Variants in MAN2A2 observed in about 807,000 individuals in gnomAD.
The protein encoded by MAN2A2 is mannosidase alpha class 2A member 2.
MAN2A2 carries 79 observed loss-of-function variants against 126.8 expected under a neutral mutation model. The observed-to-expected ratio is 0.62, with a 90% CI of 0.52 to 0.75. MAN2A2 has a LOEUF of 0.75. Among genes scored for constraint, MAN2A2 ranks in the 30% least tolerant of loss-of-function variants. MAN2A2 has a pLI of 0.00. For synonymous variants in MAN2A2, 671 were observed against 618.7 expected, an observed-to-expected ratio of 1.08 and a Z score of -1.25; for missense variants, 1,392 against 1,522.4, an observed-to-expected ratio of 0.91 and a Z score of 1.43.
rs745600972 is a variant in MAN2A2 at position 90,919,664 on chromosome 15, G to C, written c.3330G>C (p.Leu1110=). ...CCCTGGGCAGCCTTTTCCATGGCCTGGATGTGGTATTCCTTCAGCCAACCT... is the reference window on the plus strand; with the variant it reads ...CCCTGGGCAGCCTTTTCCATGGCCTCGATGTGGTATTCCTTCAGCCAACCT... ...KVALGSLFHG[L]DVVFLQPTSL... is the part of the protein sequence containing the mutation. The change falls in exon 23 of 23, where the codon CTG becomes CTC. Residue 1110 remains leucine (L), a synonymous_variant. Coordinates refer to ENST00000559717, the MANE Select transcript of MAN2A2 (RefSeq NM_006122.4). 1.9e-6 allele frequency: 3 copies of C among 1,614,214 alleles called. No homozygotes were observed. The highest frequency in any genetic ancestry group is 3.3e-5 in the Admixed American group (2 of 60,022).
Position 90,904,230 on chromosome 15 carries a change from CAG to C in MAN2A2, c.24_25del (p.Cys10TrpfsTer45), listed in dbSNP as rs768881302. The C allele has an allele frequency of 1.2e-6, 2 of 1,614,194 alleles. No individual in the cohort carries two copies. The highest frequency in any genetic ancestry group is 1.7e-6 in the Non-Finnish European group (2 of 1,180,042). On this transcript the variant is annotated frameshift_variant, in exon 2 of 23. Coordinates refer to ENST00000559717, the MANE Select transcript of MAN2A2 (RefSeq NM_006122.4). LOFTEE classifies it high-confidence loss of function. ...AGTATGAAGCTGAAAAAGCAGGTGA[CAG>C]TGTGTGGGGCTGCCATCTTCTGTGT... is the stretch of plus-strand genomic sequence containing the variant.
chr15:90,905,209 G>A (rs754782275), intron 2 of MAN2A2, 42 bp from the exon 3 acceptor site: 1 of 1,597,972 alleles, frequency 6.3e-7, no homozygotes, highest in South Asian at 1.1e-5. Flanking sequence ...CCTCCCTGTG[G>A]CATAAGGAGC....
intron 20 of MAN2A2, 96 bp from the exon 21 acceptor site, chr15:90,918,098 C>G: frequency 8.1e-7 from 1 of 1,240,808 alleles, no homozygotes; most frequent in African/African-American, 1.5e-5. Flanking sequence ...AAAGGTCTTT[C>G]CAAAACAACT....
intron 19 of MAN2A2, chr15:90,915,851 C>T (rs1196245508): frequency 2.3e-6 from 1 of 427,116 alleles, no homozygotes; most frequent in Non-Finnish European, 4.2e-6. Context: ...GTTCCCTACT[C>T]CTGAGTCCCA....
At position 90,922,518 on chromosome 15, in the gene MAN2A2, A is replaced by G. The variant is rs1329319771; in HGVS notation, c.*2731A>G. Reference sequence around the variant, plus strand: ...TTGCTAGTAGAATTTGTAATCAAACAATAGGAGGGGAATCTGTGAACGCCT... The same window carrying G: ...TTGCTAGTAGAATTTGTAATCAAACGATAGGAGGGGAATCTGTGAACGCCT... On this transcript the variant is annotated 3_prime_UTR_variant, in exon 23 of 23. Coordinates refer to ENST00000559717, the MANE Select transcript of MAN2A2 (RefSeq NM_006122.4). 6.6e-6 allele frequency: 1 copy of G among 152,218 alleles called. No homozygotes were observed. Among genetic ancestry groups the G allele is most frequent in the Non-Finnish European group, 1.5e-5 (1 of 68,030 alleles). 9.4% of individuals were successfully genotyped at this position (152,218 alleles called of 1,614,324 possible).
intron 16 of MAN2A2, 97 bp from the exon 17 acceptor site, chr15:90,912,780 G>A (rs552691172): frequency 9.0e-5 from 141 of 1,561,146 alleles, no homozygotes; most frequent in Admixed American, 2.3e-4. Flanking sequence ...GCCCAGGGGT[G>A]TCTGGGAATA....
chr15:90,903,612 G>A, intron 1 of MAN2A2, 180 bp downstream of exon 1: 1 of 192,082 alleles, frequency 5.2e-6, no homozygotes, highest in East Asian at 1.3e-4. Flanking sequence ...GCAGTGAACA[G>A]TAGAGAAACA....
In MAN2A2 at chr15:90,906,362, A is replaced by G; in HGVS notation, c.708-8A>G. On this transcript the variant is annotated splice_polypyrimidine_tract_variant and splice_region_variant and intron_variant, in intron 5 of 22. Transcript: ENST00000559717. ...TGCTCCGTCCTGAGTGTGAGTCCTT[A>G]ACTATAGGCTGGTGGGAAACGGGCA... 6.2e-7 allele frequency: 1 copy of G among 1,614,060 alleles called. No homozygotes were observed. Among genetic ancestry groups the G allele is most frequent in the Middle Eastern group, 1.6e-4 (1 of 6,062 alleles).
chr15:90,918,282 T>G lies in MAN2A2; in HGVS notation c.3083T>G (p.Val1028Gly). The part of the protein sequence containing the change: ...YLNAPALALP[V>G]ARMQLPGPGL... ...AACGCCCCGGCGCTCGCTCTGCCTG[T>G]AGCCAGGATGCAGCTCCCAGGCCCT... Residue 1028 changes from valine (V) to glycine (G), a missense_variant, in exon 21 of 23, where the codon GTA becomes GGA. Transcript: ENST00000559717. 1 of 1,614,176 alleles carries G rather than the reference T, an allele frequency of 6.2e-7. No individual in the cohort carries two copies. Among genetic ancestry groups the G allele is most frequent in the Non-Finnish European group, 8.5e-7 (1 of 1,180,016 alleles).
In MAN2A2 at chr15:90,913,674, G is replaced by C; in HGVS notation, c.2779G>C (p.Val927Leu). ...PLQANFYPMP[V>L]MAYIQDAQKR... ...CCAGGCCAACTTCTACCCCATGCCA[G>C]TCATGGCCTATATCCAGGACGCACA... Residue 927 changes from valine to leucine, a missense_variant, in exon 19 of 23, where the codon GTC becomes CTC. By Grantham distance (32) the Val-to-Leu change is conservative (BLOSUM62 1). Transcript: ENST00000559717. The C allele has an allele frequency of 6.2e-7, 1 of 1,611,760 alleles. No individual in the cohort carries two copies. Among genetic ancestry groups the C allele is most frequent in the Non-Finnish European group, 8.5e-7 (1 of 1,179,046 alleles).
chr15:90,907,571 G>A, intron 8 of MAN2A2, 76 bp downstream of exon 8: 1 of 1,395,208 alleles, frequency 7.2e-7, no homozygotes, highest in Non-Finnish European at 9.7e-7. Context: ...CCACGTGGAG[G>A]GTGGGCTCAG....
Position 90,912,292 on chromosome 15 carries a change from G to C in MAN2A2, c.2346+13G>C, listed in dbSNP as rs751560770. 1 of 1,613,588 alleles carries C rather than the reference G, an allele frequency of 6.2e-7. No individual in the cohort carries two copies. Among genetic ancestry groups the C allele is most frequent in the Admixed American group, 1.7e-5 (1 of 60,036 alleles). On this transcript the variant is annotated intron_variant, in intron 15 of 22. Coordinates refer to ENST00000559717, the MANE Select transcript of MAN2A2 (RefSeq NM_006122.4). ...TGGGCTCCTCAAGGTAAAAGGCCAG[G>C]GTGGTGGGGAAGGGCCAGGGGCCAG...
chr15:90,909,643 G>T (rs1257698924), intron 9 of MAN2A2, 139 bp downstream of exon 9: 14 of 810,148 alleles, frequency 1.7e-5, no homozygotes, highest in Middle Eastern at 7.9e-4. Context: ...TCACTCTGTT[G>T]CCCAGGCTGG....
intron 10 of MAN2A2, 101 bp downstream of exon 10, chr15:90,910,393 GC>G (rs2034630672): frequency 6.4e-7 from 1 of 1,564,916 alleles, no homozygotes; most frequent in East Asian, 2.2e-5. Context: ...AGGCCCAGAG[GC>G]CAGGGCAGGT....
At chr15:90,916,858 G>C (rs1436953891) in intron 20 of MAN2A2, among the ~76,000 whole-genome samples, 1 of 152,234 alleles carries the variant, frequency 6.6e-6, no homozygotes, top group Non-Finnish European at 1.5e-5. Flanking sequence ...AGGGGTGGCA[G>C]AGAAGCCATG....
At chr15:90,909,803 C>CTG (rs1420334675) in intron 9 of MAN2A2, among the ~76,000 whole-genome samples, 6 of 152,182 alleles carry the variant, frequency 3.9e-5, no homozygotes, top group Non-Finnish European at 4.4e-5. Context: ...TGGGGTTTCA[C>CTG]TGTGTTAGCC....
At chr15:90,911,637 G>C in intron 14 of MAN2A2, 87 bp downstream of exon 14, 1 of 1,409,446 alleles carries the variant, frequency 7.1e-7, no homozygotes, top group Non-Finnish European at 9.5e-7. Flanking sequence ...CCACCCTCCT[G>C]CTTGTGGCCC....
At chr15:90,918,824 T>A (rs899745427) in intron 22 of MAN2A2, 69 bp downstream of exon 22, 3 of 1,121,062 alleles carry the variant, frequency 2.7e-6, no homozygotes, top group Admixed American at 2.0e-5. Context: ...GGGCTGAGAT[T>A]CGGTGACAGG....
chr15:90,918,471 A>AT (rs2035354959), intron 21 of MAN2A2, 83 bp downstream of exon 21: 1 of 1,475,026 alleles, frequency 6.8e-7, no homozygotes, highest in Non-Finnish European at 9.3e-7. Context: ...AGCCTCCAGG[A>AT]TGAGGTCCAG....
Sources: allele counts gnomAD v4.1 joint callset (sites outside exome capture counted in the v4.1 genomes callset), GRCh38; gene constraint gnomAD v4.1.1; transcripts MANE v1.5; gene names NCBI Gene and HGNC (gene_info 2026-07-23, HGNC 2026-07-21).